NBPF14: variants seen among roughly 807,000 people sequenced by gnomAD.
NBPF14 encodes NBPF family member NBPF14.
Under a neutral mutation model 91.2 loss-of-function variants are expected in NBPF14, and 104 were observed. That is an observed-to-expected ratio of 1.14 (90% confidence interval 0.97 to 1.34). NBPF14 has a LOEUF of 1.34. Ranked by LOEUF, NBPF14 falls within the 40% of genes most tolerant of loss-of-function variation. The pLI, the probability that NBPF14 is intolerant of heterozygous loss-of-function variation, is 0.00. For missense variants in NBPF14, 908 were observed against 783.0 expected, an observed-to-expected ratio of 1.16 and a Z score of -1.91; for synonymous variants, 294 against 303.8, an observed-to-expected ratio of 0.97 and a Z score of 0.34.
chr1:148,533,527 G>T (rs1364369772), intron 70 of NBPF14, among the ~76,000 whole-genome samples: 4 of 150,808 alleles, frequency 2.7e-5, no homozygotes, highest in African/African-American at 9.9e-5. Flanking sequence ...GGAGTCAAAG[G>T]ACACTCTGAG....
chr1:148,592,746 T>C, exon 4 of NBPF14: 1 of 1,584,544 alleles, frequency 6.3e-7, no homozygotes, highest in Non-Finnish European at 8.6e-7. Context: ...TTCCTGAGAG[T>C]GAACCAGGAC....
intron 22 of NBPF14, among the ~76,000 whole-genome samples, chr1:148,571,301 C>A (rs1289322639): frequency 1.6e-4 from 13 of 83,110 alleles, no homozygotes; most frequent in African/African-American, 9.4e-4. Context: ...AGAACGAGCT[C>A]AGTGAATTGT....
chr1:148,533,387 T>A (rs1266095960), intron 70 of NBPF14, 139 bp from the exon 71 acceptor site: 1 of 580,950 alleles, frequency 1.7e-6, no homozygotes, highest in East Asian at 2.8e-5. Context: ...AAAAAAAATT[T>A]ATTGCCTTTA....
intron 2 of NBPF14, among the ~76,000 whole-genome samples, chr1:148,594,675 ATTTTT>A (rs1252275623): frequency 2.8e-5 from 2 of 70,484 alleles, no homozygotes; most frequent in Non-Finnish European, 4.8e-5. Flanking sequence ...TCTGCTTTTT[ATTTTT>A]ATTTTTGATT....
intron 69 of NBPF14, 26 bp from the exon 70 acceptor site, chr1:148,533,995 A>G (rs1654337381): frequency 2.9e-6 from 2 of 693,794 alleles, no homozygotes; most frequent in African/African-American, 1.8e-5. Flanking sequence ...ACATGGACAG[A>G]CACATTAAGC....
intron 39 of NBPF14, among the ~76,000 whole-genome samples, chr1:148,557,785 G>T (rs1295870326): frequency 8.6e-6 from 1 of 116,898 alleles, no homozygotes; most frequent in African/African-American, 4.3e-5. Context: ...TCCCAAGTTT[G>T]TGCAAACAGT....
chr1:148,592,804 G>C, intron 3 of NBPF14, 38 bp from the exon 4 acceptor site: 2 of 1,392,420 alleles, frequency 1.4e-6, no homozygotes, highest in South Asian at 1.2e-5. Context: ...AGAGTAGAAA[G>C]GGTTGAGTGA....
At chr1:148,556,733 A>G in exon 41 of NBPF14, 1 of 144,764 alleles carries the variant, frequency 6.9e-6, no homozygotes, top group South Asian at 4.6e-5. Context: ...CCTCCAATGC[A>G]TAAAAGGAAC....
At chr1:148,576,776 G>C (rs1158967500) in intron 15 of NBPF14, among the ~76,000 whole-genome samples, 21 of 148,828 alleles carry the variant, frequency 1.4e-4, no homozygotes, top group African/African-American at 4.9e-4. Context: ...GTTGCTAGGA[G>C]AAAAACTGCA....
Position 148,590,309 on chromosome 1 carries a change from G to A in NBPF14, c.778+448C>T, listed in dbSNP as rs1484450445. ...CCTGACCTCATGATCCACCCGCCTC[G>A]GCCTCCCAAAGTGCTCGGATTACAG... On this transcript the variant is annotated intron_variant, in intron 6 of 70. Coordinates refer to ENST00000619423, the Ensembl canonical transcript of NBPF14. Among the ~76,000 whole-genome samples the A allele has an allele frequency of 4.9e-5, 7 of 142,042 alleles. 1 individual carries two copies. The highest frequency in any genetic ancestry group is 4.8e-4 in the South Asian group (2 of 4,126). The allele number at this position is 142,042 out of a possible 152,430, so 93.2% of individuals were successfully genotyped here.
chr1:148,534,606 G>C (rs1277374928), intron 69 of NBPF14, 78 bp downstream of exon 69: 3 of 905,030 alleles, frequency 3.3e-6, no homozygotes, highest in South Asian at 1.3e-5. Context: ...GGGTGAGTAA[G>C]GGCCACTTGG....
At chr1:148,592,892 G>T (rs1662723838) in intron 3 of NBPF14, 126 bp from the exon 4 acceptor site, 2 of 700,320 alleles carry the variant, frequency 2.9e-6, no homozygotes, top group Non-Finnish European at 4.7e-6. Context: ...AGCACATGTT[G>T]AAAGGAATGA....
At chr1:148,559,709 T>A in intron 37 of NBPF14, 84 bp downstream of exon 37, 2 of 747,016 alleles carry the variant, frequency 2.7e-6, no homozygotes, top group Non-Finnish European at 4.5e-6. Context: ...ATCTCTCAGC[T>A]CAGTAAGGGC....
In NBPF14 at chr1:148,590,195, G is replaced by A. The variant is rs1232106348; in HGVS notation, c.778+562C>T. 4.4e-4 allele frequency among the ~76,000 whole-genome samples: 62 copies of A among 141,310 alleles called. 1 individual carries two copies. The highest frequency in any genetic ancestry group is 1.2e-3 in the African/African-American group (47 of 39,114). The allele number at this position is 141,310 out of a possible 152,430, so 92.7% of individuals were successfully genotyped here. A position where few individuals can be genotyped will look rare whatever the true frequency, so the allele number is the denominator to read the frequency against. On this transcript the variant is annotated intron_variant, in intron 6 of 70. Coordinates refer to ENST00000619423, the Ensembl canonical transcript of NBPF14. ...CTCCTGAGTAGCTGGGACTACAGGCGCCCACCACCACGCCCAGCTATTTTT... is the reference window on the plus strand; with the variant it reads ...CTCCTGAGTAGCTGGGACTACAGGCACCCACCACCACGCCCAGCTATTTTT...
At chr1:148,591,264 G>C (rs1463153088) in intron 5 of NBPF14, among the ~76,000 whole-genome samples, 168 bp downstream of exon 5, 1 of 148,762 alleles carries the variant, frequency 6.7e-6, no homozygotes, top group African/African-American at 2.4e-5. Flanking sequence ...GGCACACATA[G>C]AGAAACACGA....
intron 2 of NBPF14, among the ~76,000 whole-genome samples, chr1:148,593,905 A>C (rs1413235137): frequency 4.7e-5 from 7 of 149,876 alleles, no homozygotes; most frequent in Admixed American, 2.7e-4. Flanking sequence ...AGAAAGAGAA[A>C]CTCAAGGGCA....
At chr1:148,532,479 G>C (rs879983119) in exon 71 of NBPF14, 1 of 151,266 alleles carries the variant, frequency 6.6e-6, no homozygotes, top group Non-Finnish European at 1.4e-5. Flanking sequence ...AACCAAAGGA[G>C]TCTAGCGGGT....
chr1:148,551,727 C>A (rs1656239164), intron 47 of NBPF14, among the ~76,000 whole-genome samples: 1 of 18,524 alleles, frequency 5.4e-5, no homozygotes, highest in African/African-American at 4.3e-4. Context: ...TGCCCAGGTC[C>A]AATGTCATGA....
chr1:148,579,204 G>A, exon 13 of NBPF14: 2 of 405,040 alleles, frequency 4.9e-6, no homozygotes, highest in Non-Finnish European at 8.4e-6. Flanking sequence ...AGGACTCCTG[G>A]GGGACTTCCT....
Sources: gnomAD v4.1 joint callset for allele counts (sites outside exome capture counted in the v4.1 genomes callset) on GRCh38, gnomAD v4.1.1 for gene constraint, MANE v1.5 for transcripts, NCBI Gene and HGNC (gene_info 2026-07-23, HGNC 2026-07-21) for gene names.